The following PRMT3 variants were observed in gnomAD, a reference collection of about 807,000 sequenced individuals.
The protein encoded by PRMT3 is protein arginine N-methyltransferase 3.
In PRMT3, 62 loss-of-function variants were observed where a neutral mutation model predicts 71.9. The observed-to-expected ratio is 0.86, with a 90% confidence interval of 0.70 to 1.07. The LOEUF (loss-of-function observed/expected upper bound fraction) is 1.07. Ranked by LOEUF, PRMT3 falls within the 50% of genes least tolerant of loss-of-function variation. The probability of loss-of-function intolerance (pLI) is 0.00; values close to 1 mark genes in which losing one functional copy is unlikely to be tolerated. For synonymous variants in PRMT3, 213 were observed against 220.4 expected (o/e 0.97, Z 0.30); for missense variants, 663 against 643.0 (o/e 1.03, Z -0.34).
intron 7 of PRMT3, among the ~76,000 whole-genome samples, chr11:20,398,122 CG>C (rs1848870191): frequency 6.7e-6 from 1 of 149,758 alleles, no homozygotes; most frequent in South Asian, 2.1e-4. Flanking sequence ...ATTGGAAAAA[CG>C]ACAATTTTAG....
intron 15 of PRMT3, among the ~76,000 whole-genome samples, chr11:20,494,576 C>T (rs1176427925): frequency 1.3e-5 from 2 of 152,126 alleles, no homozygotes; most frequent in African/African-American, 4.8e-5. Flanking sequence ...CCACCTGCCT[C>T]GGCCCCCCCA....
chr11:20,452,037 T>C (rs1850160784), intron 10 of PRMT3, 93 bp from the exon 11 acceptor site: 7 of 840,608 alleles, frequency 8.3e-6, no homozygotes, highest in Non-Finnish European at 8.7e-6. Flanking sequence ...AAAAATATTC[T>C]GTAATTAAAA....
chr11:20,453,274 A>G (rs1850191165), intron 11 of PRMT3, among the ~76,000 whole-genome samples: 1 of 148,484 alleles, frequency 6.7e-6, no homozygotes, highest in Non-Finnish European at 1.5e-5. Flanking sequence ...TGAGGTCAGG[A>G]GTTCAAGACC....
chr11:20,411,845 AG>A (rs1849200179), intron 9 of PRMT3, among the ~76,000 whole-genome samples: 1 of 152,142 alleles, frequency 6.6e-6, no homozygotes, highest in South Asian at 2.1e-4. Context: ...AGTGAGGAAA[AG>A]TTTTATTATA....
At chr11:20,399,283 A>AT (rs1202829237) in intron 7 of PRMT3, among the ~76,000 whole-genome samples, 3 of 152,128 alleles carry the variant, frequency 2.0e-5, no homozygotes, top group Non-Finnish European at 2.9e-5. Flanking sequence ...TATTTTGTTG[A>AT]TTCAGTTTTG....
chr11:20,392,508 T>C (rs936914119), intron 4 of PRMT3, among the ~76,000 whole-genome samples: 1 of 152,156 alleles, frequency 6.6e-6, no homozygotes, highest in African/African-American at 2.4e-5. Context: ...AGTAATTCAG[T>C]GTCAAATAAA....
At chr11:20,397,493 C>T in intron 6 of PRMT3, 84 bp from the exon 7 acceptor site, 1 of 1,411,540 alleles carries the variant, frequency 7.1e-7, no homozygotes, top group Non-Finnish European at 9.8e-7. Context: ...ACTCCCTCCC[C>T]TTTCCTCTTC....
chr11:20,508,714 A>G lies in PRMT3; in HGVS notation c.*301A>G, dbSNP rs530234061. 2.4e-6 allele frequency: 1 copy of G among 417,370 alleles called. No individual in the cohort carries two copies. The highest frequency in any genetic ancestry group is 2.1e-5 in the South Asian group (1 of 46,992). The allele number at this position is 417,370 out of a possible 1,614,324, so 25.9% of individuals were successfully genotyped here. ...TTGAAAATCATTTACATTGGCCTAT[A>G]TTTGGAAGAGAGATAGTCTTTTGTT... On this transcript the variant is annotated 3_prime_UTR_variant, in exon 16 of 16. Coordinates refer to ENST00000331079, the MANE Select transcript of PRMT3 (RefSeq NM_005788.4).
At chr11:20,464,942 A>G (rs1183768092) in intron 13 of PRMT3, among the ~76,000 whole-genome samples, 6 of 152,188 alleles carry the variant, frequency 3.9e-5, no homozygotes, top group South Asian at 4.1e-4. Context: ...ATATTTATGT[A>G]TGAAAAAATT....
Position 20,494,193 on chromosome 11 carries a change from C to T in PRMT3, c.1425C>T (p.Ser475=). ...NRVVFSTGPQ[S]TKTHWKQTVF... ...TCGTGTTCTCTACGGGCCCTCAGAG[C>T]ACCAAAACACACTGGAAACAAACAG... The change falls in exon 15 of 16, where the codon AGC becomes AGT. Residue 475 remains serine (S), a synonymous_variant. Coordinates refer to ENST00000331079, the MANE Select transcript of PRMT3 (RefSeq NM_005788.4). The T allele has an allele frequency of 6.2e-7, 1 of 1,611,340 alleles. No individual in the cohort carries two copies. Among genetic ancestry groups the T allele is most frequent in the Non-Finnish European group, 8.5e-7 (1 of 1,177,610 alleles).
chr11:20,491,375 A>T (rs1851202154), intron 13 of PRMT3, among the ~76,000 whole-genome samples: 1 of 152,104 alleles, frequency 6.6e-6, no homozygotes, highest in African/African-American at 2.4e-5. Flanking sequence ...GATTCTTTGT[A>T]TGTTGAGTAA....
At chr11:20,413,690 C>CT (rs1849242319) in intron 9 of PRMT3, among the ~76,000 whole-genome samples, 1 of 152,130 alleles carries the variant, frequency 6.6e-6, no homozygotes, top group South Asian at 2.1e-4. Context: ...ACTGTGACTA[C>CT]TTTTTTGTCT....
At chr11:20,471,723 C>G (rs1590089152) in intron 13 of PRMT3, among the ~76,000 whole-genome samples, 1 of 151,918 alleles carries the variant, frequency 6.6e-6, no homozygotes, top group South Asian at 2.1e-4. Context: ...AATAGTGTTT[C>G]TAATTCTGTG....
At chr11:20,419,364 G>A (rs1334313325) in intron 9 of PRMT3, among the ~76,000 whole-genome samples, 1 of 152,164 alleles carries the variant, frequency 6.6e-6, no homozygotes. Context: ...TCTTGTTCAA[G>A]TATTCATAGG....
chr11:20,421,228 A>C (rs1849418747), intron 9 of PRMT3, among the ~76,000 whole-genome samples: 2 of 152,046 alleles, frequency 1.3e-5, no homozygotes, highest in African/African-American at 4.8e-5. Context: ...TGTAGAGACA[A>C]GTTCTTCCTA....
chr11:20,455,542 T>G (rs1207369735), intron 11 of PRMT3, among the ~76,000 whole-genome samples: 1 of 152,108 alleles, frequency 6.6e-6, no homozygotes, highest in Admixed American at 6.6e-5. Flanking sequence ...ATATAAATTA[T>G]ACTTCAGAAA....
At chr11:20,402,363 C>A (rs1848967968) in intron 7 of PRMT3, among the ~76,000 whole-genome samples, 1 of 152,168 alleles carries the variant, frequency 6.6e-6, no homozygotes. Context: ...AAGTGATCCT[C>A]TTGCCTCGGC....
At chr11:20,466,009 A>T (rs1850503198) in intron 13 of PRMT3, among the ~76,000 whole-genome samples, 2 of 152,188 alleles carry the variant, frequency 1.3e-5, no homozygotes, top group Admixed American at 1.3e-4. Flanking sequence ...TATATTTCAC[A>T]TATATTTTCA....
chr11:20,502,790 A>T (rs1851488869), intron 15 of PRMT3, among the ~76,000 whole-genome samples: 1 of 152,170 alleles, frequency 6.6e-6, no homozygotes, highest in Non-Finnish European at 1.5e-5. Context: ...CAACCATCAG[A>T]ACAAATGTAC....
Sources: allele counts gnomAD v4.1 joint callset (sites outside exome capture counted in the v4.1 genomes callset), GRCh38; gene constraint gnomAD v4.1.1; transcripts MANE v1.5; gene names NCBI Gene and HGNC (gene_info 2026-07-23, HGNC 2026-07-21).